Variants in PELI2 observed in about 807,000 individuals in gnomAD.
PELI2 encodes the protein pellino E3 ubiquitin protein ligase family member 2, also known as E3 ubiquitin-protein ligase pellino homolog 2.
A neutral mutation model predicts 42.3 loss-of-function variants in PELI2; 23 were observed. That is an observed-to-expected ratio of 0.54 (90% CI 0.39 to 0.77). The LOEUF (loss-of-function observed/expected upper bound fraction) is 0.77. Among genes scored for constraint, PELI2 ranks in the 30% least tolerant of loss-of-function variants. The probability of loss-of-function intolerance (pLI) is 0.00; values close to 1 mark genes in which losing one functional copy is unlikely to be tolerated. For synonymous variants in PELI2, 245 were observed against 212.2 expected (o/e 1.15, Z -1.34); for missense variants, 463 against 553.2 (o/e 0.84, Z 1.64).
intron 1 of PELI2, among the ~76,000 whole-genome samples, chr14:56,161,665 A>T (rs2139640755): frequency 6.6e-6 from 1 of 152,284 alleles, no homozygotes; most frequent in East Asian, 1.9e-4. Context: ...GCCCCTTAAC[A>T]TCCAGCCCTG....
At chr14:56,133,048 C>T (rs1489538888) in intron 1 of PELI2, among the ~76,000 whole-genome samples, 4 of 151,830 alleles carry the variant, frequency 2.6e-5, no homozygotes, top group African/African-American at 9.7e-5. Flanking sequence ...AAAAATTTTT[C>T]CAAATTTTGG....
rs369108339 is a variant in PELI2, at chr14:56,248,032, G to A, written c.208-31644G>A. Among the ~76,000 whole-genome samples, 20 of 152,296 alleles carry A rather than the reference G, an allele frequency of 1.3e-4. No individual in the cohort carries two copies. In the East Asian group the frequency reaches 1.3e-3, roughly 10 times the overall value. On this transcript the variant is annotated intron_variant, in intron 2 of 5. Transcript: ENST00000267460. ...TGTCAGTGCTATTTTGATTTTGTTA[G>A]GCTAGCTGCCACGTAACTGGCTCCA...
At chr14:56,186,232 G>A (rs1885765579) in intron 2 of PELI2, among the ~76,000 whole-genome samples, 1 of 152,164 alleles carries the variant, frequency 6.6e-6, no homozygotes, top group South Asian at 2.1e-4. Flanking sequence ...GCTTCTAGAA[G>A]CTGAGAACAG....
At chr14:56,118,846 C>T in intron 1 of PELI2, 109 bp downstream of exon 1, 1 of 633,642 alleles carries the variant, frequency 1.6e-6, no homozygotes, top group Non-Finnish European at 2.4e-6. Flanking sequence ...CGCCGGGGCG[C>T]TCGGGGCGGC....
intron 1 of PELI2, among the ~76,000 whole-genome samples, chr14:56,120,125 C>T (rs568747123): frequency 1.3e-5 from 2 of 152,274 alleles, no homozygotes; most frequent in East Asian, 3.9e-4. Context: ...GTGTTTTTCT[C>T]ACCTACATCT....
intron 2 of PELI2, among the ~76,000 whole-genome samples, chr14:56,240,088 A>G (rs1248188478): frequency 6.6e-6 from 1 of 152,148 alleles, no homozygotes; most frequent in Admixed American, 6.5e-5. Context: ...CAGATCATGA[A>G]GGCCTGATAA....
chr14:56,170,557 C>G (rs1885127737), intron 1 of PELI2, among the ~76,000 whole-genome samples: 1 of 152,168 alleles, frequency 6.6e-6, no homozygotes, highest in Admixed American at 6.5e-5. Flanking sequence ...TTCTGCCTGA[C>G]ATTTCCTAAC....
At chr14:56,160,272 C>T (rs1475107332) in intron 1 of PELI2, among the ~76,000 whole-genome samples, 1 of 152,112 alleles carries the variant, frequency 6.6e-6, no homozygotes, top group Admixed American at 6.5e-5. Flanking sequence ...GAACCAAAAC[C>T]ATATGGTGTT....
chr14:56,297,087 C>G lies in PELI2; in HGVS notation c.1184C>G (p.Ala395Gly), dbSNP rs1399441600. The G allele has an allele frequency of 6.2e-7, 1 of 1,610,640 alleles. No individual in the cohort carries two copies. Among genetic ancestry groups the G allele is most frequent in the Non-Finnish European group, 8.5e-7 (1 of 1,179,948 alleles). ...CCTCATGGAACTCATGCATTTCACG[C>G]TGCTTGCCCTTTCTGTGCTACACAG... ...PLPHGTHAFHAACPFCATQLV... is the reference protein window; with the variant it reads ...PLPHGTHAFHGACPFCATQLV... Residue 395 changes from alanine to glycine, a missense_variant, in exon 6 of 6, where the codon GCT (alanine) becomes GGT (glycine). Coordinates refer to ENST00000267460, the MANE Select transcript of PELI2 (RefSeq NM_021255.3).
chr14:56,234,115 G>A (rs1413682716), intron 2 of PELI2, among the ~76,000 whole-genome samples: 2 of 152,326 alleles, frequency 1.3e-5, no homozygotes, highest in African/African-American at 4.8e-5. Flanking sequence ...GTGCTGGAGA[G>A]GATGTGGAGA....
In PELI2 at chr14:56,126,394, C is replaced by T. The variant is rs371382601; in HGVS notation, c.77+7657C>T. On this transcript the variant is annotated intron_variant, in intron 1 of 5. Coordinates refer to ENST00000267460, the MANE Select transcript of PELI2 (RefSeq NM_021255.3). Reference sequence around the variant, plus strand: ...GATTGAGGTTTTCTTTCTAGCCATCCGCATAATGCTTCTCACTCTCAAACA... The same window carrying T: ...GATTGAGGTTTTCTTTCTAGCCATCTGCATAATGCTTCTCACTCTCAAACA... Among the ~76,000 whole-genome samples the T allele has an allele frequency of 5.4e-4, 83 of 152,318 alleles. 1 individual carries two copies. Among genetic ancestry groups the T allele is most frequent in the African/African-American group, 1.3e-3 (54 of 41,574 alleles).
At chr14:56,173,549 T>TAAC (rs1885258033) in intron 1 of PELI2, among the ~76,000 whole-genome samples, 1 of 152,192 alleles carries the variant, frequency 6.6e-6, no homozygotes, top group Non-Finnish European at 1.5e-5. Flanking sequence ...ACAAACTTGG[T>TAAC]AACAACAACA....
chr14:56,254,322 C>G (rs1392419277), intron 2 of PELI2, among the ~76,000 whole-genome samples: 1 of 150,458 alleles, frequency 6.6e-6, no homozygotes, highest in Non-Finnish European at 1.5e-5. Context: ...TTGCTTGAAC[C>G]TGGGAGGCAG....
At chr14:56,145,417 G>C (rs997602636) in intron 1 of PELI2, among the ~76,000 whole-genome samples, 1 of 152,164 alleles carries the variant, frequency 6.6e-6, no homozygotes, top group Non-Finnish European at 1.5e-5. Flanking sequence ...CTAGGAAAAT[G>C]TTTCATAAAT....
intron 1 of PELI2, among the ~76,000 whole-genome samples, chr14:56,126,871 T>C (rs1280555287): frequency 1.3e-5 from 2 of 152,200 alleles, no homozygotes; most frequent in Non-Finnish European, 2.9e-5. Context: ...AAGATTACAT[T>C]ATGGTTTGGG....
At chr14:56,264,492 C>T (rs1488364221) in intron 2 of PELI2, among the ~76,000 whole-genome samples, 1 of 152,054 alleles carries the variant, frequency 6.6e-6, no homozygotes, top group Non-Finnish European at 1.5e-5. Flanking sequence ...GTAATATGCA[C>T]AGTGTATTAG....
At chr14:56,132,742 T>C (rs1248458612) in intron 1 of PELI2, among the ~76,000 whole-genome samples, 2 of 152,204 alleles carry the variant, frequency 1.3e-5, no homozygotes, top group Non-Finnish European at 2.9e-5. Context: ...TTGGGTCTTT[T>C]TATCTACTTG....
At chr14:56,290,567 A>G (rs1014957014) in intron 5 of PELI2, 111 bp downstream of exon 5, 10 of 663,686 alleles carry the variant, frequency 1.5e-5, no homozygotes, top group Non-Finnish European at 2.1e-5. Context: ...TCCAAGCGCC[A>G]TGTACTGTAA....
intron 2 of PELI2, among the ~76,000 whole-genome samples, chr14:56,233,215 G>A (rs1190105480): frequency 6.6e-6 from 1 of 152,136 alleles, no homozygotes; most frequent in Non-Finnish European, 1.5e-5. Flanking sequence ...TCCCCATCAA[G>A]CTAGCAGTGA....
Sources: allele counts gnomAD v4.1 joint callset (sites outside exome capture counted in the v4.1 genomes callset), GRCh38; gene constraint gnomAD v4.1.1; transcripts MANE v1.5; gene names NCBI Gene and HGNC (gene_info 2026-07-23, HGNC 2026-07-21).